Variants in WFDC3 observed in about 807,000 individuals in gnomAD.
WFDC3 encodes the protein WAP four-disulfide core domain 3.
Under a neutral mutation model 25.8 loss-of-function variants are expected in WFDC3, and 15 were observed. The observed-to-expected ratio is 0.58, with a 90% CI of 0.39 to 0.89. The LOEUF (loss-of-function observed/expected upper bound fraction) is 0.89. WFDC3 is among the 40% of genes least tolerant of loss of function. The pLI, the probability that WFDC3 is intolerant of heterozygous loss-of-function variation, is 0.00. For missense variants in WFDC3, 264 were observed against 289.8 expected (o/e 0.91, Z 0.65); for synonymous variants, 103 against 107.1 (o/e 0.96, Z 0.24).
intron 1 of WFDC3, chr20:45,791,059 C>T (rs138660177): frequency 1.7e-4 from 68 of 406,624 alleles, no homozygotes; most frequent in African/African-American, 1.2e-3. Context: ...GGTAAAACCT[C>T]CTTAATAGGA....
intron 5 of WFDC3, among the ~76,000 whole-genome samples, chr20:45,776,660 A>ATATGTGTG (rs762240715): frequency 8.6e-5 from 8 of 93,308 alleles, no homozygotes; most frequent in Non-Finnish European, 9.8e-5. Flanking sequence ...ATATATATAT[A>ATATGTGTG]TGTGTGTGTG....
intron 2 of WFDC3, among the ~76,000 whole-genome samples, chr20:45,789,411 C>G (rs1231992401): frequency 6.7e-6 from 1 of 149,398 alleles, no homozygotes; most frequent in African/African-American, 2.5e-5. Flanking sequence ...GAGGCTGAGG[C>G]AGGAGAATGG....
intron 4 of WFDC3, among the ~76,000 whole-genome samples, chr20:45,782,420 C>G (rs1980487976): frequency 6.6e-6 from 1 of 151,578 alleles, no homozygotes; most frequent in Non-Finnish European, 1.5e-5. Flanking sequence ...TCTTGTTGCC[C>G]AGGCTGGAGT....
At position 45,774,438 on chromosome 20, in the gene WFDC3, G is replaced by A. The variant is rs1424144931; in HGVS notation, c.686C>T (p.Pro229Leu). 8.1e-6 allele frequency: 13 copies of A among 1,614,070 alleles called. No homozygotes were observed. Among genetic ancestry groups the A allele is most frequent in the South Asian group, 2.2e-5 (2 of 91,084 alleles). ...GACAAATCAGCACAGCTAGGGCACCGGGATCTCTGCAAGTAGAAGAAACAT... is the reference window on the plus strand; with the variant it reads ...GACAAATCAGCACAGCTAGGGCACCAGGATCTCTGCAAGTAGAAGAAACAT... ...TVRSDSELEI[P>L]VP Residue 229 changes from proline to leucine, a missense_variant, in exon 7 of 7, where the codon CCG (proline) becomes CTG (leucine). Coordinates refer to ENST00000243938, the MANE Select transcript of WFDC3 (RefSeq NM_080614.2).
intron 5 of WFDC3, 111 bp downstream of exon 5, chr20:45,776,964 G>A: frequency 6.4e-7 from 1 of 1,571,038 alleles, no homozygotes; most frequent in Non-Finnish European, 8.7e-7. Context: ...CTTTGGGTTG[G>A]GGGACCAGAG....
At position 45,777,891 on chromosome 20, in the gene WFDC3, A is replaced by G. The variant is rs547200477; in HGVS notation, c.359-682T>C. 1.5e-4 allele frequency among the ~76,000 whole-genome samples: 21 copies of G among 139,088 alleles called. No individual in the cohort carries two copies. The South Asian group carries it at 3.5e-3, about 24-fold the overall frequency. 91.2% of individuals were successfully genotyped at this position (139,088 alleles called of 152,430 possible). On this transcript the variant is annotated intron_variant, in intron 4 of 6. Coordinates refer to ENST00000243938, the MANE Select transcript of WFDC3 (RefSeq NM_080614.2). ...AATTGCTTTCAGGACTCACAGTTTGAAAAACACTGTTCAGGTCTAACCCAC... is the reference window on the plus strand; with the variant it reads ...AATTGCTTTCAGGACTCACAGTTTGGAAAACACTGTTCAGGTCTAACCCAC...
chr20:45,775,295 A>G (rs995977348), intron 6 of WFDC3, 122 bp downstream of exon 6: 2 of 1,348,008 alleles, frequency 1.5e-6, no homozygotes, highest in Non-Finnish European at 2.0e-6. Flanking sequence ...CATCTGGGAC[A>G]TAGGTTCTTT....
At chr20:45,775,303 T>C in intron 6 of WFDC3, 114 bp downstream of exon 6, 2 of 1,414,994 alleles carry the variant, frequency 1.4e-6, no homozygotes, top group Non-Finnish European at 1.9e-6. Flanking sequence ...ACATAGGTTC[T>C]TTCTCTCCAA....
intron 1 of WFDC3, 36 bp downstream of exon 1, chr20:45,791,796 C>A (rs565378312): frequency 3.4e-4 from 131 of 387,912 alleles, no homozygotes; most frequent in African/African-American, 2.7e-3. Flanking sequence ...CGAGGCGCAG[C>A]CCTCCCGAGA....
At chr20:45,777,760 A>G (rs1341183065) in intron 4 of WFDC3, among the ~76,000 whole-genome samples, 1 of 152,114 alleles carries the variant, frequency 6.6e-6, no homozygotes, top group Admixed American at 6.5e-5. Flanking sequence ...GGCTCAAGTG[A>G]TCCTCCCGCC....
At chr20:45,791,244 C>T (rs575118153) in intron 1 of WFDC3, among the ~76,000 whole-genome samples, 1 of 124,428 alleles carries the variant, frequency 8.0e-6, no homozygotes, top group African/African-American at 3.1e-5. Context: ...AATGCAGTGG[C>T]GCGATCTCGG....
At chr20:45,783,479 GATAA>G (rs1036844739) in intron 4 of WFDC3, among the ~76,000 whole-genome samples, 2 of 151,764 alleles carry the variant, frequency 1.3e-5, no homozygotes, top group Non-Finnish European at 2.9e-5. Context: ...CCTTGTCCCA[GATAA>G]ATAAATAAAT....
At chr20:45,790,775 A>G (rs1448174697) in intron 1 of WFDC3, among the ~76,000 whole-genome samples, 1 of 152,030 alleles carries the variant, frequency 6.6e-6, no homozygotes, top group Non-Finnish European at 1.5e-5. Flanking sequence ...ACAGAAAAGC[A>G]GTAGTTGAGT....
intron 4 of WFDC3, among the ~76,000 whole-genome samples, chr20:45,783,821 A>T (rs1186740877): frequency 6.6e-6 from 1 of 152,154 alleles, no homozygotes. Flanking sequence ...AGCTTCCTGT[A>T]GAGTTGGGTA....
chr20:45,777,064 A>T lies in WFDC3; in HGVS notation c.493+11T>A, dbSNP rs1360735795. On this transcript the variant is annotated intron_variant, in intron 5 of 6. Transcript: ENST00000243938. Reference sequence around the variant, plus strand: ...ACACTCAAGGATTTCTTCCCAAAAGAGCCAACATACCTCCCTCAATGTCTC... The same window carrying T: ...ACACTCAAGGATTTCTTCCCAAAAGTGCCAACATACCTCCCTCAATGTCTC... 1.2e-6 allele frequency: 2 copies of T among 1,612,208 alleles called. No individual in the cohort carries two copies. The highest frequency in any genetic ancestry group is 1.7e-6 in the Non-Finnish European group (2 of 1,179,636).
chr20:45,783,943 A>AC (rs1187755005), intron 4 of WFDC3, among the ~76,000 whole-genome samples: 3 of 151,952 alleles, frequency 2.0e-5, no homozygotes, highest in Non-Finnish European at 4.4e-5. Flanking sequence ...CAGGCTAGGA[A>AC]CCCCGCTCAG....
At chr20:45,788,757 A>C in intron 3 of WFDC3, 174 bp downstream of exon 3, 5 of 819,212 alleles carry the variant, frequency 6.1e-6, no homozygotes, top group Non-Finnish European at 9.1e-6. Flanking sequence ...AAGGCAAACA[A>C]CTGGGGGCAC....
chr20:45,789,187 G>T, intron 2 of WFDC3, 128 bp from the exon 3 acceptor site: 2 of 1,248,538 alleles, frequency 1.6e-6, no homozygotes, highest in South Asian at 1.5e-5. Context: ...CTGGGTGACA[G>T]AATGAGACCC....
chr20:45,774,318 A>T lies in WFDC3; in HGVS notation c.*110T>A. The T allele has an allele frequency of 6.9e-7, 1 of 1,444,710 alleles. No homozygotes were observed. Among genetic ancestry groups the T allele is most frequent in the Non-Finnish European group, 9.7e-7 (1 of 1,027,192 alleles). The allele number at this position is 1,444,710 out of a possible 1,614,324, so 89.5% of individuals were successfully genotyped here. A position where few individuals can be genotyped will look rare whatever the true frequency, so the allele number is the denominator to read the frequency against. On this transcript the variant is annotated 3_prime_UTR_variant, in exon 7 of 7. Transcript: ENST00000243938. Reference sequence around the variant, plus strand: ...CGGCAGGAGGAGAAGCAGAGCAGAGAGGGCCATGAGTGCCCCTGGAAATGT... The same window carrying T: ...CGGCAGGAGGAGAAGCAGAGCAGAGTGGGCCATGAGTGCCCCTGGAAATGT...
Sources: allele counts gnomAD v4.1 joint callset (sites outside exome capture counted in the v4.1 genomes callset), GRCh38; gene constraint gnomAD v4.1.1; transcripts MANE v1.5; gene names NCBI Gene and HGNC (gene_info 2026-07-23, HGNC 2026-07-21).